The following SPATA1 variants were observed in gnomAD, a reference collection of about 807,000 sequenced individuals.
SPATA1 encodes the protein spermatogenesis-associated protein 1.
SPATA1 carries 57 observed loss-of-function variants against 59.6 expected under a neutral mutation model. That is an observed-to-expected ratio of 0.96 (90% CI 0.77 to 1.19). SPATA1 has a LOEUF of 1.19. Among genes scored for constraint, SPATA1 ranks in the 50% most tolerant of loss-of-function variants. The probability of loss-of-function intolerance (pLI) is 0.00; values close to 1 mark genes in which losing one functional copy is unlikely to be tolerated. For missense variants in SPATA1, 448 were observed against 480.7 expected (o/e 0.93, Z 0.64); for synonymous variants, 147 against 163.9 (o/e 0.90, Z 0.79).
chr1:84,563,604 G>T, intron 4 of SPATA1: 1 of 660,426 alleles, frequency 1.5e-6, no homozygotes, highest in Admixed American at 3.9e-5. Context: ...TTTCATAGAA[G>T]TAAAAATAAA....
intron 3 of SPATA1, among the ~76,000 whole-genome samples, chr1:84,521,119 A>G (rs529555879): frequency 6.6e-6 from 1 of 151,690 alleles, no homozygotes; most frequent in African/African-American, 2.4e-5. Context: ...AAAAACAAAA[A>G]AGAGAGAGAG....
intron 1 of SPATA1, among the ~76,000 whole-genome samples, chr1:84,512,977 A>ATTT (rs1682636328): frequency 6.6e-6 from 1 of 152,212 alleles, no homozygotes. Context: ...TTTCATTTGA[A>ATTT]TTGTTGGCAT....
downstream of SPATA1, chr1:84,566,248 C>T (rs1212328183): frequency 4.9e-6 from 1 of 204,608 alleles, no homozygotes; most frequent in African/African-American, 2.3e-5. Flanking sequence ...GAGCAAGACA[C>T]TATATAGAAG....
chr1:84,563,535 A>T, intron 4 of SPATA1: 1 of 776,100 alleles, frequency 1.3e-6, no homozygotes, highest in Non-Finnish European at 1.8e-6. Flanking sequence ...ACCTGACTAT[A>T]CAGAAAAAAG....
downstream of SPATA1, among the ~76,000 whole-genome samples, chr1:84,557,557 A>C (rs1356243939): frequency 1.3e-5 from 2 of 149,436 alleles, no homozygotes; most frequent in Non-Finnish European, 3.0e-5. Flanking sequence ...AAAAAAAGAA[A>C]AAAAAAAAAA....
At chr1:84,534,832 AC>A (rs1373319516) in intron 8 of SPATA1, among the ~76,000 whole-genome samples, 18 of 152,138 alleles carry the variant, frequency 1.2e-4, no homozygotes, top group African/African-American at 4.1e-4. Context: ...CAAAATTCCA[AC>A]CATAGTTAAT....
At chr1:84,530,449 C>T (rs1005132239) in intron 6 of SPATA1, among the ~76,000 whole-genome samples, 2 of 152,014 alleles carry the variant, frequency 1.3e-5, no homozygotes, top group Non-Finnish European at 2.9e-5. Context: ...AGGTAGGTAG[C>T]GACTTGAACT....
At chr1:84,539,393 A>C (rs2389743) in intron 8 of SPATA1, among the ~76,000 whole-genome samples, 80,993 of 152,094 alleles carry the variant, frequency 0.53, 24,005 homozygotes, top group East Asian at 0.77. Context: ...ATAATGCCAA[A>C]ATGTATTCCA....
intron 6 of SPATA1, among the ~76,000 whole-genome samples, chr1:84,528,972 CT>C (rs954759090): frequency 7.9e-5 from 12 of 152,128 alleles, no homozygotes; most frequent in Admixed American, 5.2e-4. Context: ...TCCCTCCCCA[CT>C]GATTTCAAAT....
At chr1:84,533,682 AC>A in intron 7 of SPATA1, 26 bp from the exon 8 acceptor site, 1 of 1,510,230 alleles carries the variant, frequency 6.6e-7, no homozygotes, top group Non-Finnish European at 9.0e-7. Flanking sequence ...TGTTTTAATG[AC>A]TTTCAAACCT....
intron 4 of SPATA1, among the ~76,000 whole-genome samples, chr1:84,560,627 T>C (rs1404053264): frequency 4.6e-5 from 7 of 152,208 alleles, no homozygotes; most frequent in Admixed American, 1.3e-4. Flanking sequence ...TTTAAGACTT[T>C]GCTAGCTAGA....
chr1:84,548,756 T>A (rs1202748995), intron 10 of SPATA1, 30 bp from the exon 11 acceptor site: 1 of 636,412 alleles, frequency 1.6e-6, no homozygotes, highest in Non-Finnish European at 2.0e-6. Context: ...TTTCCTTTTT[T>A]TTTTTTTTTT....
At chr1:84,532,322 C>G (rs147054101) in intron 6 of SPATA1, among the ~76,000 whole-genome samples, 42 of 152,224 alleles carry the variant, frequency 2.8e-4, no homozygotes, top group African/African-American at 1.0e-3. Flanking sequence ...CTGGTGAAAC[C>G]CTGTCTATAC....
intron 6 of SPATA1, 116 bp downstream of exon 6, chr1:84,526,189 G>C (rs1462874825): frequency 2.5e-6 from 2 of 806,512 alleles, no homozygotes; most frequent in African/African-American, 1.7e-5. Context: ...AGTTTAAAAA[G>C]AAAGCTACAA....
chr1:84,508,149 C>T (rs1390945934), intron 1 of SPATA1, among the ~76,000 whole-genome samples: 4 of 151,926 alleles, frequency 2.6e-5, no homozygotes, highest in Non-Finnish European at 4.4e-5. Context: ...CGTGGTGGTG[C>T]GCGCCACCCA....
At chr1:84,561,880 T>C (rs1021914032) in intron 4 of SPATA1, among the ~76,000 whole-genome samples, 4 of 152,234 alleles carry the variant, frequency 2.6e-5, no homozygotes, top group African/African-American at 9.6e-5. Flanking sequence ...GACTACAGTA[T>C]AGTATAAACA....
chr1:84,550,929 C>A (rs948493685), intron 12 of SPATA1: 2 of 977,574 alleles, frequency 2.0e-6, no homozygotes, highest in Non-Finnish European at 2.4e-6. Flanking sequence ...TGGTTATTTT[C>A]ATATGTATTC....
chr1:84,544,108 G>T, intron 8 of SPATA1, 94 bp from the exon 9 acceptor site: 1 of 775,012 alleles, frequency 1.3e-6, no homozygotes. Context: ...TAAAAAGAAT[G>T]CATTTCTGGT....
chr1:84,544,368 G>A, intron 9 of SPATA1, 64 bp downstream of exon 9: 2 of 1,263,072 alleles, frequency 1.6e-6, no homozygotes, highest in East Asian at 2.5e-5. Context: ...TGTTAATGGG[G>A]AGTTACTGTT....
Sources: allele counts gnomAD v4.1 joint callset (sites outside exome capture counted in the v4.1 genomes callset), GRCh38; gene constraint gnomAD v4.1.1; transcripts MANE v1.5; gene names NCBI Gene and HGNC (gene_info 2026-07-23, HGNC 2026-07-21).